Variants in SLC35E1 observed in about 807,000 individuals in gnomAD.
SLC35E1 encodes solute carrier family 35 member E1.
Under a neutral mutation model 31.0 loss-of-function variants are expected in SLC35E1, and 12 were observed. That is an observed-to-expected ratio of 0.39 (90% CI 0.25 to 0.63). SLC35E1 has a LOEUF of 0.63. Ranked by LOEUF, SLC35E1 falls within the 20% of genes least tolerant of loss-of-function variation. The pLI, the probability that SLC35E1 is intolerant of heterozygous loss-of-function variation, is 0.52. For missense variants in SLC35E1, 429 were observed against 572.2 expected (o/e 0.75, Z 2.55); for synonymous variants, 257 against 264.1 (o/e 0.97, Z 0.26).
intron 1 of SLC35E1, 37 bp from the exon 2 acceptor site, chr19:16,571,619 G>C: frequency 6.2e-7 from 1 of 1,608,136 alleles, no homozygotes; most frequent in African/African-American, 1.3e-5. Flanking sequence ...GGGGCTGCCT[G>C]AATTTCAGGG....
rs1036677891 is a variant in SLC35E1 at position 16,564,632 on chromosome 19, C to T, written c.756+1900G>A. Among the ~76,000 whole-genome samples, 12 of 152,174 alleles carry T rather than the reference C, an allele frequency of 7.9e-5. No individual in the cohort carries two copies. The South Asian group carries it at 8.3e-4, about 11-fold the overall frequency. Reference sequence around the variant, plus strand: ...AGACAGGACAATTTGACTAGGAAAACGAATAATTCATGCAACTGACAAACA... The same window carrying T: ...AGACAGGACAATTTGACTAGGAAAATGAATAATTCATGCAACTGACAAACA... On this transcript the variant is annotated intron_variant, in intron 4 of 5. Coordinates refer to ENST00000595753, the MANE Select transcript of SLC35E1 (RefSeq NM_024881.5).
At chr19:16,562,605 T>C (rs974547620) in intron 4 of SLC35E1, among the ~76,000 whole-genome samples, 1 of 130,654 alleles carries the variant, frequency 7.7e-6, no homozygotes, top group African/African-American at 3.0e-5. Flanking sequence ...TTTTAAAATG[T>C]CTTATTCTTT....
In SLC35E1 at chr19:16,553,701, C is replaced by CT; in HGVS notation, c.1210dup (p.Ser404LysfsTer6). On this transcript the variant is annotated frameshift_variant, in exon 6 of 6. Transcript: ENST00000595753. LOFTEE classifies it high-confidence loss of function. ...ACTCTACACATCATAGCGGTTCAAA[C>CT]TGTACGAGTTTGGGTAGCTCTGCCG... is the stretch of plus-strand genomic sequence containing the variant. 6.3e-7 allele frequency: 1 copy of CT among 1,578,436 alleles called. No individual in the cohort carries two copies. The highest frequency in any genetic ancestry group is 1.3e-5 in the African/African-American group (1 of 74,576).
intron 4 of SLC35E1, among the ~76,000 whole-genome samples, chr19:16,560,373 G>A (rs943766526): frequency 6.6e-6 from 1 of 152,052 alleles, no homozygotes; most frequent in Non-Finnish European, 1.5e-5. Context: ...TGAGGGTCAA[G>A]CAGTGACAGT....
chr19:16,568,808 A>T (rs1480882119), intron 2 of SLC35E1, among the ~76,000 whole-genome samples: 1 of 152,212 alleles, frequency 6.6e-6, no homozygotes, highest in Non-Finnish European at 1.5e-5. Flanking sequence ...CTGGGATTAC[A>T]GGTGTGAGCC....
At chr19:16,561,078 A>G (rs2085903223) in intron 4 of SLC35E1, among the ~76,000 whole-genome samples, 1 of 150,446 alleles carries the variant, frequency 6.6e-6, no homozygotes, top group Non-Finnish European at 1.5e-5. Context: ...GCTGGGCATG[A>G]TGGCATGTGC....
In SLC35E1 at chr19:16,556,344, C is replaced by CAA. The variant is rs55752909; in HGVS notation, c.757-949_757-948dup. Among the ~76,000 whole-genome samples the CAA allele has an allele frequency of 5.4e-5, 6 of 111,668 alleles. No homozygotes were observed. The East Asian group carries it at 9.7e-4, about 18-fold the overall frequency. 73.3% of individuals were successfully genotyped at this position (111,668 alleles called of 152,430 possible). On this transcript the variant is annotated intron_variant, in intron 4 of 5. Transcript: ENST00000595753. ...GCAACACAGTGAGACCCTGTCTCTA[C>CAA]AAAAAAAAAAAAAAATTAGCCAGGC...
Position 16,553,730 on chromosome 19 carries a change from G to C in SLC35E1, c.1182C>G (p.Tyr394Ter), listed in dbSNP as rs1365562281. Reference sequence around the variant, plus strand: ...ACGAGTTTGGGTAGCTCTGCCGGCTGTATTGGAAGTGGTCTGTTAAGATGT... The same window carrying C: ...ACGAGTTTGGGTAGCTCTGCCGGCTCTATTGGAAGTGGTCTGTTAAGATGT... Reference protein sequence around the residue: ...RNNILTDHFQYSRQSYPNSYS... With the variant: ...RNNILTDHFQ The change falls in exon 6 of 6, where the codon TAC becomes TAG. Residue 394 changes from tyrosine to a stop codon, truncating the protein, a stop_gained. Coordinates refer to ENST00000595753, the MANE Select transcript of SLC35E1 (RefSeq NM_024881.5). LOFTEE classifies it high-confidence loss of function. 2 of 1,605,920 alleles carry C rather than the reference G, an allele frequency of 1.2e-6. No individual in the cohort carries two copies. The highest frequency in any genetic ancestry group is 1.7e-5 in the Admixed American group (1 of 59,560).
intron 5 of SLC35E1, among the ~76,000 whole-genome samples, chr19:16,554,267 GAAAAAAAAAA>G (rs778901992): frequency 1.9e-5 from 1 of 51,692 alleles, no homozygotes; most frequent in African/African-American, 7.4e-5. Flanking sequence ...CGCTGTCTCA[GAAAAAAAAAA>G]AAAAAAAAAA....
Position 16,571,492 on chromosome 19 carries a change from G to A in SLC35E1, c.492+20C>T, listed in dbSNP as rs1568275847. ...ACCCCCTGGAGCTCCCATCTGCCCA[G>A]AGTCCCTGCCCGGGGTTACCTTGGT... On this transcript the variant is annotated intron_variant, in intron 2 of 5. Transcript: ENST00000595753. 3 of 1,613,368 alleles carry A rather than the reference G, an allele frequency of 1.9e-6. No individual in the cohort carries two copies. The highest frequency in any genetic ancestry group is 1.7e-6 in the Non-Finnish European group (2 of 1,179,630).
chr19:16,557,980 ATTG>A (rs1229529768), intron 4 of SLC35E1, among the ~76,000 whole-genome samples: 1 of 151,586 alleles, frequency 6.6e-6, no homozygotes, highest in African/African-American at 2.4e-5. Flanking sequence ...TGCCCGGCTA[ATTG>A]TTGTATTTTT....
Position 16,553,898 on chromosome 19 carries a change from A to G in SLC35E1, c.1014T>C (p.Asp338=), listed in dbSNP as rs747605523. 8.1e-6 allele frequency: 13 copies of G among 1,608,546 alleles called. No homozygotes were observed. Among genetic ancestry groups the G allele is most frequent in the African/African-American group, 1.3e-5 (1 of 74,738 alleles). The change falls in exon 6 of 6, where the codon GAT becomes GAC. Residue 338 remains aspartate, a synonymous_variant. Coordinates refer to ENST00000595753, the MANE Select transcript of SLC35E1 (RefSeq NM_024881.5). ...GVFLYNKTKY[D]ANQQARKHLL... is the part of the protein sequence containing the mutation. Reference sequence around the variant, plus strand: ...GGTGCTTCCTGGCTTGCTGGTTTGCATCGTACTTGGTCTGTGCCAGAAAGA... The same window carrying G: ...GGTGCTTCCTGGCTTGCTGGTTTGCGTCGTACTTGGTCTGTGCCAGAAAGA...
chr19:16,559,435 T>A (rs2085892978), intron 4 of SLC35E1, among the ~76,000 whole-genome samples: 1 of 149,196 alleles, frequency 6.7e-6, no homozygotes, highest in South Asian at 2.1e-4. Context: ...GACTGGGCAA[T>A]ATGGCAAAAC....
At chr19:16,559,578 G>A (rs1209007157) in intron 4 of SLC35E1, among the ~76,000 whole-genome samples, 1 of 152,010 alleles carries the variant, frequency 6.6e-6, no homozygotes, top group African/African-American at 2.4e-5. Context: ...ACTGAGCCCA[G>A]AGAGGTTGAG....
intron 4 of SLC35E1, among the ~76,000 whole-genome samples, chr19:16,557,942 T>C (rs2122328254): frequency 6.6e-6 from 1 of 152,320 alleles, no homozygotes; most frequent in Admixed American, 6.5e-5. Context: ...GCCTCCCGCA[T>C]AGCTGGGACT....
At position 16,567,985 on chromosome 19, in the gene SLC35E1, G is replaced by A. The variant is rs199548869; in HGVS notation, c.630+47C>T. On this transcript the variant is annotated intron_variant, in intron 3 of 5. Coordinates refer to ENST00000595753, the MANE Select transcript of SLC35E1 (RefSeq NM_024881.5). ...TCCCAATGCCACCAGTTTGCTGCCCGCACACCCCTGAAACCCCATGCATGT... is the reference window on the plus strand; with the variant it reads ...TCCCAATGCCACCAGTTTGCTGCCCACACACCCCTGAAACCCCATGCATGT... 1.0e-5 allele frequency: 15 copies of A among 1,489,210 alleles called. No homozygotes were observed. The East Asian group carries it at 2.4e-4, about 24-fold the overall frequency. The allele number at this position is 1,489,210 out of a possible 1,614,324, so 92.2% of individuals were successfully genotyped here.
chr19:16,572,113 G>T lies in SLC35E1; in HGVS notation c.252C>A (p.Pro84=), dbSNP rs1280229140. The T allele has an allele frequency of 6.6e-7, 1 of 1,511,918 alleles. No individual in the cohort carries two copies. The highest frequency in any genetic ancestry group is 1.2e-5 in the South Asian group (1 of 80,276). The allele number at this position is 1,511,918 out of a possible 1,614,324, so 93.7% of individuals were successfully genotyped here. A position where few individuals can be genotyped will look rare whatever the true frequency, so the allele number is the denominator to read the frequency against. ...PPLLRAWRVP[P]APPVSGPGPS... ...GTCCGGGGCCCGAGACGGGCGGCGC[G>T]GGGGGCACGCGCCAGGCGCGCAGCA... Residue 84 remains proline, a synonymous_variant, in exon 1 of 6, where the codon CCC becomes CCA. Transcript: ENST00000595753. The surrounding 1 kb of genome is among the most constrained non-coding windows in gnomAD (Gnocchi z 4.1).
intron 2 of SLC35E1, among the ~76,000 whole-genome samples, chr19:16,570,777 T>A (rs2085953702): frequency 6.6e-6 from 1 of 152,080 alleles, no homozygotes; most frequent in African/African-American, 2.4e-5. Flanking sequence ...ATCCCAGAGG[T>A]CCCCTGACAG....
chr19:16,560,430 T>C (rs887989053), intron 4 of SLC35E1, among the ~76,000 whole-genome samples: 10 of 152,208 alleles, frequency 6.6e-5, no homozygotes, highest in East Asian at 3.9e-4. Context: ...CTGAGGACTA[T>C]ATGTCCTCAA....
Sources: allele counts gnomAD v4.1 joint callset (sites outside exome capture counted in the v4.1 genomes callset), GRCh38; gene constraint gnomAD v4.1.1; non-coding constraint Gnocchi (gnomAD v3.1); transcripts MANE v1.5; gene names NCBI Gene and HGNC (gene_info 2026-07-23, HGNC 2026-07-21).